QTRT2: variants seen among roughly 807,000 people sequenced by gnomAD.
QTRT2 encodes queuine tRNA-ribosyltransferase domain containing 1.
In QTRT2, 32 loss-of-function variants were observed where a neutral mutation model predicts 44.8. That is an observed-to-expected ratio of 0.71 (90% CI 0.54 to 0.96). The LOEUF is 0.96. Among genes scored for constraint, QTRT2 ranks in the 40% least tolerant of loss-of-function variants. The probability of loss-of-function intolerance (pLI) is 0.00; values close to 1 mark genes in which losing one functional copy is unlikely to be tolerated. For missense variants in QTRT2, 461 were observed against 503.1 expected (o/e 0.92, Z 0.80); for synonymous variants, 182 against 187.4 (o/e 0.97, Z 0.24).
chr3:114,062,011 TAAAAAA>T (rs35348583), intron 2 of QTRT2, among the ~76,000 whole-genome samples: 1 of 135,786 alleles, frequency 7.4e-6, no homozygotes, highest in African/African-American at 2.7e-5. Flanking sequence ...CAGGATATTC[TAAAAAA>T]AAAAAAAAAA....
chr3:114,068,095 G>C, intron 5 of QTRT2, 32 bp downstream of exon 5: 1 of 1,588,260 alleles, frequency 6.3e-7, no homozygotes, highest in Non-Finnish European at 8.6e-7. Flanking sequence ...CAAGGCTGCA[G>C]CTTTGTCCCA....
chr3:114,075,610 G>A (rs926319024), intron 6 of QTRT2, among the ~76,000 whole-genome samples: 1 of 150,402 alleles, frequency 6.6e-6, no homozygotes, highest in African/African-American at 2.5e-5. Context: ...CTCGGCTCAA[G>A]CGATTCTCCC....
chr3:114,073,129 C>T (rs1368420235), intron 6 of QTRT2, among the ~76,000 whole-genome samples: 1 of 152,092 alleles, frequency 6.6e-6, no homozygotes, highest in Non-Finnish European at 1.5e-5. Context: ...GTATATGTAA[C>T]AAGAGTTTGG....
chr3:114,066,170 C>A, intron 3 of QTRT2, 58 bp from the exon 4 acceptor site: 1 of 1,255,862 alleles, frequency 8.0e-7, no homozygotes, highest in Non-Finnish European at 1.2e-6. Flanking sequence ...TCCAGTTGTA[C>A]AGAGTATTTA....
Position 114,087,123 on chromosome 3 carries a change from T to G in QTRT2, c.*1219T>G, listed in dbSNP as rs2077246566. 1 of 152,180 alleles carries G rather than the reference T, an allele frequency of 6.6e-6. No homozygotes were observed. The highest frequency in any genetic ancestry group is 2.4e-5 in the African/African-American group (1 of 41,444). 9.4% of individuals were successfully genotyped at this position (152,180 alleles called of 1,614,324 possible). On this transcript the variant is annotated 3_prime_UTR_variant, in exon 10 of 10. Coordinates refer to ENST00000281273, the MANE Select transcript of QTRT2 (RefSeq NM_024638.4). ...TATAAGGAATACACATACACCCACA[T>G]GCACACACCATAGTTTTTATACAAA...
chr3:114,064,098 TCAA>T (rs1559948600), intron 2 of QTRT2, among the ~76,000 whole-genome samples: 1 of 151,754 alleles, frequency 6.6e-6, no homozygotes, highest in African/African-American at 2.4e-5. Context: ...ACCTGTAATC[TCAA>T]CTACTTGGGA....
chr3:114,083,934 T>G lies in QTRT2; in HGVS notation c.1016+1140T>G, dbSNP rs75870651. Reference sequence around the variant, plus strand: ...GGTTACTACTAAAATTCCCTTTATGTTATAGATTTAATTGGAAATTGTACT... The same window carrying G: ...GGTTACTACTAAAATTCCCTTTATGGTATAGATTTAATTGGAAATTGTACT... On this transcript the variant is annotated intron_variant, in intron 9 of 9. Transcript: ENST00000281273. Among the ~76,000 whole-genome samples, 17 of 152,356 alleles carry G rather than the reference T, an allele frequency of 1.1e-4. No homozygotes were observed. In the East Asian group the frequency reaches 3.3e-3, roughly 29 times the overall value.
At chr3:114,081,643 GC>G (rs1247641562) in intron 8 of QTRT2, among the ~76,000 whole-genome samples, 1 of 152,142 alleles carries the variant, frequency 6.6e-6, no homozygotes, top group Admixed American at 6.5e-5. Flanking sequence ...TTGCTGTGTT[GC>G]CCAGGCTGGT....
At position 114,087,483 on chromosome 3, in the gene QTRT2, A is replaced by G. The variant is rs2077251943; in HGVS notation, c.*1579A>G. ...AACCTCCACCTCCTGGGTTCATGCC[A>G]TTCTCCTGCCTCAGCCTCCCGAGTA... On this transcript the variant is annotated 3_prime_UTR_variant, in exon 10 of 10. Coordinates refer to ENST00000281273, the MANE Select transcript of QTRT2 (RefSeq NM_024638.4). The G allele has an allele frequency of 6.6e-6, 1 of 151,970 alleles. No individual in the cohort carries two copies. 9.4% of individuals were successfully genotyped at this position (151,970 alleles called of 1,614,324 possible). A position where few individuals can be genotyped will look rare whatever the true frequency, so the allele number is the denominator to read the frequency against.
At chr3:114,064,234 G>A (rs1247136958) in intron 2 of QTRT2, among the ~76,000 whole-genome samples, 1 of 151,934 alleles carries the variant, frequency 6.6e-6, no homozygotes, top group Admixed American at 6.6e-5. Context: ...ATGAAAGAGA[G>A]AAAAGAAAAG....
rs557194241 is a variant in QTRT2, at chr3:114,081,883, G to A, written c.899-794G>A. On this transcript the variant is annotated intron_variant, in intron 8 of 9. Coordinates refer to ENST00000281273, the MANE Select transcript of QTRT2 (RefSeq NM_024638.4). ...CTTAAGACCACCTGTCTTTCTCCTGGGACCAACACTGAGATTTGTTATCAT... is the reference window on the plus strand; with the variant it reads ...CTTAAGACCACCTGTCTTTCTCCTGAGACCAACACTGAGATTTGTTATCAT... 5.3e-5 allele frequency among the ~76,000 whole-genome samples: 8 copies of A among 152,080 alleles called. No homozygotes were observed. The South Asian group carries it at 1.7e-3, about 32-fold the overall frequency.
chr3:114,061,127 G>A (rs1263111296), intron 2 of QTRT2, among the ~76,000 whole-genome samples: 1 of 152,124 alleles, frequency 6.6e-6, no homozygotes, highest in Non-Finnish European at 1.5e-5. Flanking sequence ...GGGGTACTGT[G>A]TTAAGAAAAC....
rs900691404 is a variant in QTRT2, at chr3:114,084,692, T to C, written c.1017-981T>C. 4.3e-4 allele frequency among the ~76,000 whole-genome samples: 66 copies of C among 152,278 alleles called. 1 individual carries two copies. Among genetic ancestry groups the C allele is most frequent in the African/African-American group, 1.6e-3 (65 of 41,562 alleles). On this transcript the variant is annotated intron_variant, in intron 9 of 9. Coordinates refer to ENST00000281273, the MANE Select transcript of QTRT2 (RefSeq NM_024638.4). ...ATACATTTCATCTTTGTAACAACTG[T>C]CTGAGATAGGCACTGTTATTACCTT...
Position 114,087,055 on chromosome 3 carries a change from A to G in QTRT2, c.*1151A>G, listed in dbSNP as rs1577558756. The G allele has an allele frequency of 6.6e-6, 1 of 152,150 alleles. No individual in the cohort carries two copies. Among genetic ancestry groups the G allele is most frequent in the Non-Finnish European group, 1.5e-5 (1 of 68,026 alleles). The allele number at this position is 152,150 out of a possible 1,614,324, so 9.4% of individuals were successfully genotyped here. ...CAGGAGATCCTGAGGCTGGTAGGGG[A>G]AGGTAATTCTTTCTAAGTTACCTCT... On this transcript the variant is annotated 3_prime_UTR_variant, in exon 10 of 10. Transcript: ENST00000281273.
intron 7 of QTRT2, chr3:114,079,135 T>A (rs929494305): frequency 2.0e-5 from 3 of 152,236 alleles, no homozygotes; most frequent in African/African-American, 7.2e-5. Flanking sequence ...ATATAGTGTA[T>A]AGAAGATAGG....
Position 114,087,718 on chromosome 3 carries a change from G to A in QTRT2, c.*1814G>A, listed in dbSNP as rs2077255428. ...GTACTGGCATCTGCTTGGTTTCTGG[G>A]GAGGCCTCCGGAAGCTTATAGTCAT... On this transcript the variant is annotated 3_prime_UTR_variant, in exon 10 of 10. Coordinates refer to ENST00000281273, the MANE Select transcript of QTRT2 (RefSeq NM_024638.4). 6.6e-6 allele frequency: 1 copy of A among 152,268 alleles called. No homozygotes were observed. The highest frequency in any genetic ancestry group is 6.6e-5 in the Admixed American group (1 of 15,248). The allele number at this position is 152,268 out of a possible 1,614,324, so 9.4% of individuals were successfully genotyped here.
intron 6 of QTRT2, among the ~76,000 whole-genome samples, chr3:114,073,194 T>A (rs1489632344): frequency 6.6e-6 from 1 of 152,102 alleles, no homozygotes; most frequent in Non-Finnish European, 1.5e-5. Flanking sequence ...TGCTAGTAAT[T>A]GTTTTGAGCC....
intron 4 of QTRT2, 128 bp downstream of exon 4, chr3:114,066,411 C>T (rs927227963): frequency 1.6e-6 from 1 of 611,740 alleles, no homozygotes; most frequent in African/African-American, 1.9e-5. Context: ...ATTTGAACAT[C>T]TAAGAGCCAG....
chr3:114,068,050 A>T lies in QTRT2; in HGVS notation c.320A>T (p.Tyr107Phe). 6.2e-7 allele frequency: 1 copy of T among 1,613,764 alleles called. No individual in the cohort carries two copies. The highest frequency in any genetic ancestry group is 1.1e-5 in the South Asian group (1 of 91,074). ...CCAGTCAGCCCCTGCCCGGCTGGTT[A>T]TGTAACAAACAAGGTGTGTTTTCAG... ...HDPVSPCPAG[Y>F]VTNKSVSVWS... Residue 107 changes from tyrosine (Y) to phenylalanine (F), a missense_variant, in exon 5 of 10, where the codon TAT (tyrosine) becomes TTT (phenylalanine). Tyr to Phe is a conservative substitution (Grantham distance 22). Transcript: ENST00000281273.
Sources: gnomAD v4.1 joint callset for allele counts (sites outside exome capture counted in the v4.1 genomes callset) on GRCh38, gnomAD v4.1.1 for gene constraint, MANE v1.5 for transcripts, NCBI Gene and HGNC (gene_info 2026-07-23, HGNC 2026-07-21) for gene names.